RASEF: variants seen among roughly 807,000 people sequenced by gnomAD.
RASEF encodes the protein ras and EF-hand domain-containing protein.
RASEF carries 68 observed loss-of-function variants against 90.1 expected under a neutral mutation model. That is an observed-to-expected ratio of 0.75 (90% confidence interval 0.62 to 0.92). The LOEUF (loss-of-function observed/expected upper bound fraction) is 0.92, where lower values mean the gene tolerates loss of function less well. RASEF is among the 40% of genes least tolerant of loss of function. The probability of loss-of-function intolerance (pLI) is 0.00; values close to 1 mark genes in which losing one functional copy is unlikely to be tolerated. For synonymous variants in RASEF, 331 were observed against 345.2 expected, an observed-to-expected ratio of 0.96 and a Z score of 0.46; for missense variants, 949 against 937.2, an observed-to-expected ratio of 1.01 and a Z score of -0.16.
chr9:82,980,071 T>G lies in RASEF; in HGVS notation c.*2606A>C, dbSNP rs1443716490. The stretch of plus-strand genomic sequence containing the variant: ...GTTAACAGTGAAAAATATCTCCTTA[T>G]CCAACATTATTTTCCACAATGAAAT... On this transcript the variant is annotated 3_prime_UTR_variant, in exon 17 of 17. Coordinates refer to ENST00000376447, the MANE Select transcript of RASEF (RefSeq NM_152573.4). 1 of 152,108 alleles carries G rather than the reference T, an allele frequency of 6.6e-6. No homozygotes were observed. Among genetic ancestry groups the G allele is most frequent in the Non-Finnish European group, 1.5e-5 (1 of 68,026 alleles). 9.4% of individuals were successfully genotyped at this position (152,108 alleles called of 1,614,324 possible). A position where few individuals can be genotyped will look rare whatever the true frequency, so the allele number is the denominator to read the frequency against.
Position 83,004,529 on chromosome 9 carries a change from C to T in RASEF, c.1171G>A (p.Gly391Ser), listed in dbSNP as rs773313701. ...TISRSSPKFI[G>S]HSPQPLGYDR... ...TAGCCTAGAGGTTGAGGGGAATGACCAATGAATTTGGGACTGCTTCTAGAA... is the reference window on the plus strand; with the variant it reads ...TAGCCTAGAGGTTGAGGGGAATGACTAATGAATTTGGGACTGCTTCTAGAA... Residue 391 changes from glycine to serine, a missense_variant, in exon 9 of 17, where the codon GGT becomes AGT. Gly to Ser is a moderately conservative substitution (Grantham distance 56). This residue lies in a region of RASEF where 656 missense variants were observed against 592.2 expected (regional missense o/e 1.11). Transcript: ENST00000376447. 3 of 1,603,444 alleles carry T rather than the reference C, an allele frequency of 1.9e-6. No individual in the cohort carries two copies. Among genetic ancestry groups the T allele is most frequent in the Non-Finnish European group, 2.6e-6 (3 of 1,170,606 alleles).
chr9:83,042,883 A>C (rs1406026977), intron 1 of RASEF, among the ~76,000 whole-genome samples: 1 of 152,228 alleles, frequency 6.6e-6, no homozygotes, highest in Non-Finnish European at 1.5e-5. Context: ...GGAAGGAAGG[A>C]AGTACTGAGA....
chr9:83,160,206 G>A, the RASEF span, among the ~76,000 whole-genome samples: 2 of 152,166 alleles, frequency 1.3e-5, no homozygotes. Flanking sequence ...GGCTGAGGTT[G>A]GAACAGTTTG....
chr9:83,065,470 C>T (rs1176266275), upstream of RASEF, among the ~76,000 whole-genome samples: 1 of 152,102 alleles, frequency 6.6e-6, no homozygotes, highest in East Asian at 1.9e-4. Flanking sequence ...GCGAGTAAGC[C>T]CCAGTGTACA....
Position 83,025,756 on chromosome 9 carries a change from A to G in RASEF, c.578+19T>C. The stretch of plus-strand genomic sequence containing the variant: ...GTTAAAGCACCCACAGGCCACTTAT[A>G]AAGGAAGGACTTCAATACCTCTTCA... On this transcript the variant is annotated intron_variant, in intron 2 of 16. Coordinates refer to ENST00000376447, the MANE Select transcript of RASEF (RefSeq NM_152573.4). The G allele has an allele frequency of 6.2e-7, 1 of 1,610,962 alleles. No individual in the cohort carries two copies. Among genetic ancestry groups the G allele is most frequent in the Non-Finnish European group, 8.5e-7 (1 of 1,178,660 alleles).
intron 1 of RASEF, among the ~76,000 whole-genome samples, chr9:83,041,294 T>C (rs1240080443): frequency 2.6e-5 from 4 of 152,368 alleles, no homozygotes; most frequent in African/African-American, 4.8e-5. Flanking sequence ...ATATTATTTG[T>C]TTAGTGTCCC....
At chr9:83,008,917 T>TATATATATAC (rs1554706841) in intron 6 of RASEF, among the ~76,000 whole-genome samples, 1 of 127,486 alleles carries the variant, frequency 7.8e-6, no homozygotes, top group African/African-American at 2.9e-5. Flanking sequence ...TATATATATA[T>TATATATATAC]ATATATATAT....
chr9:83,078,016 T>C, the RASEF span, among the ~76,000 whole-genome samples: 2 of 152,194 alleles, frequency 1.3e-5, no homozygotes, highest in African/African-American at 2.4e-5. Context: ...GGGATCTCTG[T>C]ATAACCTCAA....
the RASEF span, among the ~76,000 whole-genome samples, chr9:83,124,795 A>G: frequency 1.3e-5 from 2 of 152,180 alleles, no homozygotes; most frequent in South Asian, 2.1e-4. Context: ...GAGAAAGGGA[A>G]CAACAGATCT....
upstream of RASEF, among the ~76,000 whole-genome samples, chr9:83,065,036 C>T (rs528847127): frequency 1.9e-4 from 29 of 152,260 alleles, 1 homozygote; most frequent in Admixed American, 1.9e-3. Flanking sequence ...CCACTGCACT[C>T]CAGCCTGGGC....
intron 1 of RASEF, chr9:83,055,254 G>C (rs1209447196): frequency 9.7e-6 from 3 of 308,442 alleles, no homozygotes; most frequent in Admixed American, 4.6e-5. Flanking sequence ...GTGGTGCGCC[G>C]TTTCTTAAGC....
At chr9:83,162,951 T>C in the RASEF span, among the ~76,000 whole-genome samples, 6 of 152,316 alleles carry the variant, frequency 3.9e-5, no homozygotes, top group African/African-American at 1.4e-4. Context: ...AAAAATACCC[T>C]TGTGCTTCAA....
At chr9:82,997,227 G>T in intron 13 of RASEF, 101 bp from the exon 14 acceptor site, 1 of 739,780 alleles carries the variant, frequency 1.4e-6, no homozygotes, top group South Asian at 1.5e-5. Context: ...AACACCAGTT[G>T]AGAAGACTCT....
At chr9:83,196,982 G>A in the RASEF span, among the ~76,000 whole-genome samples, 1 of 152,208 alleles carries the variant, frequency 6.6e-6, no homozygotes, top group African/African-American at 2.4e-5. Flanking sequence ...CAGAAAGAAA[G>A]AGCTCTTCTT....
intron 2 of RASEF, 43 bp downstream of exon 2, chr9:83,025,732 T>A: frequency 6.3e-7 from 1 of 1,597,804 alleles, no homozygotes; most frequent in Non-Finnish European, 8.5e-7. Context: ...AGAGAGCAAG[T>A]TAAAGCACCC....
chr9:83,129,123 G>T, the RASEF span, among the ~76,000 whole-genome samples: 4 of 152,062 alleles, frequency 2.6e-5, no homozygotes, highest in Non-Finnish European at 4.4e-5. Flanking sequence ...TAGTGCCTTT[G>T]GGGCCAAAAT....
At chr9:83,173,328 C>T in the RASEF span, among the ~76,000 whole-genome samples, 1 of 151,798 alleles carries the variant, frequency 6.6e-6, no homozygotes, top group African/African-American at 2.4e-5. Flanking sequence ...CTTTCTATCC[C>T]AACTTCTTTT....
the RASEF span, among the ~76,000 whole-genome samples, chr9:83,178,843 C>T: frequency 6.6e-6 from 1 of 152,142 alleles, no homozygotes; most frequent in African/African-American, 2.4e-5. Flanking sequence ...TTCCACAATG[C>T]CCCTGCCTAG....
chr9:83,214,391 T>A, the RASEF span, among the ~76,000 whole-genome samples: 18 of 152,156 alleles, frequency 1.2e-4, no homozygotes, highest in East Asian at 9.7e-4. Context: ...TCTCAAAAAA[T>A]AAATAAATAA....
Sources: allele counts gnomAD v4.1 joint callset (sites outside exome capture counted in the v4.1 genomes callset), GRCh38; gene constraint gnomAD v4.1.1; regional missense constraint gnomAD v4.1.1; transcripts MANE v1.5; gene names NCBI Gene and HGNC (gene_info 2026-07-23, HGNC 2026-07-21).